Variants in ANKS1B observed in about 807,000 individuals in gnomAD.
ANKS1B encodes ankyrin repeat and sterile alpha motif domain-containing protein 1B.
ANKS1B carries 36 observed loss-of-function variants against 148.3 expected under a neutral mutation model. That is an observed-to-expected ratio of 0.24 (90% confidence interval 0.19 to 0.32). The LOEUF is 0.32. Among genes scored for constraint, ANKS1B ranks in the 10% least tolerant of loss-of-function variants. The pLI, the probability that ANKS1B is intolerant of heterozygous loss-of-function variation, is 1.00. For synonymous variants in ANKS1B, 542 were observed against 560.8 expected (o/e 0.97, Z 0.47); for missense variants, 1,157 against 1,542.6 (o/e 0.75, Z 4.19).
At chr12:99,949,333 G>A (rs1224736517) in intron 1 of ANKS1B, among the ~76,000 whole-genome samples, 1 of 152,162 alleles carries the variant, frequency 6.6e-6, no homozygotes, top group Non-Finnish European at 1.5e-5. Flanking sequence ...GAAAAGCTGA[G>A]ATGGCAAAGA....
rs555778851 is a variant in ANKS1B at position 99,562,881 on chromosome 12, C to A, written c.1273-58240G>T. On this transcript the variant is annotated intron_variant, in intron 9 of 26. Coordinates refer to ENST00000683438, the MANE Select transcript of ANKS1B (RefSeq NM_001352186.2). ...GCCAGACCATATCAGCCACCTTTATCAATTACCTTAGCTAGATCTTCTCAA... is the reference window on the plus strand; with the variant it reads ...GCCAGACCATATCAGCCACCTTTATAAATTACCTTAGCTAGATCTTCTCAA... Among the ~76,000 whole-genome samples, 52 of 152,304 alleles carry A rather than the reference C, an allele frequency of 3.4e-4. No individual in the cohort carries two copies. In the South Asian group the frequency reaches 5.6e-3, roughly 16 times the overall value.
chr12:99,079,529 C>A lies in ANKS1B; in HGVS notation c.2625+5396G>T, dbSNP rs540123726. On this transcript the variant is annotated intron_variant, in intron 16 of 26. Transcript: ENST00000683438. Reference sequence around the variant, plus strand: ...ACAAAAGTGAATACCAGACGTCGCACTAAGATCAAGAGTCCTGTGATAACA... The same window carrying A: ...ACAAAAGTGAATACCAGACGTCGCAATAAGATCAAGAGTCCTGTGATAACA... Among the ~76,000 whole-genome samples, 591 of 152,266 alleles carry A rather than the reference C, an allele frequency of 3.9e-3. 2 individuals carry two copies. Among genetic ancestry groups the A allele is most frequent in the African/African-American group, 0.014 (578 of 41,546 alleles).
At chr12:99,142,943 C>T (rs536861141) in intron 15 of ANKS1B, among the ~76,000 whole-genome samples, 1 of 152,220 alleles carries the variant, frequency 6.6e-6, no homozygotes, top group South Asian at 2.1e-4. Flanking sequence ...GTTATACAGG[C>T]CTGATGAATG....
At chr12:99,874,144 C>T (rs1181365444) in intron 1 of ANKS1B, among the ~76,000 whole-genome samples, 2 of 151,832 alleles carry the variant, frequency 1.3e-5, no homozygotes. Context: ...AGTCTAACCT[C>T]ACTTTATTAT....
At chr12:99,895,108 A>G (rs150740952) in intron 1 of ANKS1B, among the ~76,000 whole-genome samples, 1 of 151,124 alleles carries the variant, frequency 6.6e-6, no homozygotes, top group East Asian at 1.9e-4. Context: ...CTTGGCAAAC[A>G]TGTTTTTCGA....
intron 9 of ANKS1B, among the ~76,000 whole-genome samples, chr12:99,628,256 G>A (rs1349897351): frequency 6.6e-6 from 1 of 152,114 alleles, no homozygotes; most frequent in Non-Finnish European, 1.5e-5. Context: ...CATATACACA[G>A]CACTTCATTG....
intron 12 of ANKS1B, among the ~76,000 whole-genome samples, chr12:99,342,799 G>T (rs1292031614): frequency 6.6e-6 from 1 of 151,724 alleles, no homozygotes; most frequent in Non-Finnish European, 1.5e-5. Flanking sequence ...GAATAATTTA[G>T]AATAATTAAA....
intron 10 of ANKS1B, among the ~76,000 whole-genome samples, chr12:99,444,719 A>T (rs1253585179): frequency 1.3e-5 from 2 of 151,974 alleles, no homozygotes; most frequent in Admixed American, 6.6e-5. Context: ...CCAAAAAAAT[A>T]AAAAATAAAA....
At chr12:98,978,991 A>C (rs2099903548) in intron 17 of ANKS1B, among the ~76,000 whole-genome samples, 2 of 151,692 alleles carry the variant, frequency 1.3e-5, no homozygotes, top group South Asian at 4.2e-4. Context: ...AAATGCAAAA[A>C]ATTAGCCAGG....
chr12:99,590,254 C>CCCCA (rs1555503059), intron 9 of ANKS1B, among the ~76,000 whole-genome samples: 2 of 130,266 alleles, frequency 1.5e-5, no homozygotes, highest in Non-Finnish European at 3.3e-5. Flanking sequence ...ACACCCACAC[C>CCCCA]CACCCACACA....
At chr12:99,044,887 G>C (rs2099961318) in intron 17 of ANKS1B, among the ~76,000 whole-genome samples, 1 of 152,152 alleles carries the variant, frequency 6.6e-6, no homozygotes, top group Non-Finnish European at 1.5e-5. Context: ...GAGGGGGTAA[G>C]TGACTTTTTT....
At chr12:98,778,596 A>G (rs908080517) in intron 24 of ANKS1B, among the ~76,000 whole-genome samples, 1 of 152,154 alleles carries the variant, frequency 6.6e-6, no homozygotes, top group Non-Finnish European at 1.5e-5. Flanking sequence ...GCTCTAGAAC[A>G]AAGTAGCATA....
intron 9 of ANKS1B, among the ~76,000 whole-genome samples, chr12:99,609,905 G>A (rs968733829): frequency 1.2e-4 from 19 of 152,100 alleles, no homozygotes; most frequent in African/African-American, 3.9e-4. Context: ...TATAGACAGA[G>A]ACCAGGGAAG....
At chr12:98,881,590 C>G (rs1162723158) in intron 17 of ANKS1B, among the ~76,000 whole-genome samples, 1 of 152,042 alleles carries the variant, frequency 6.6e-6, no homozygotes, top group Admixed American at 6.6e-5. Flanking sequence ...CAAGATTTTT[C>G]TTATGCTATT....
intron 8 of ANKS1B, among the ~76,000 whole-genome samples, chr12:99,686,463 G>A (rs2098649956): frequency 1.3e-5 from 2 of 152,134 alleles, no homozygotes; most frequent in Admixed American, 1.3e-4. Context: ...TCATGCTGCT[G>A]GGCAGAGCTC....
At chr12:99,310,792 T>C (rs144398891) in intron 12 of ANKS1B, among the ~76,000 whole-genome samples, 133 of 152,302 alleles carry the variant, frequency 8.7e-4, no homozygotes, top group African/African-American at 3.1e-3. Context: ...TCTGTCTGTC[T>C]ACATCCTATT....
At chr12:99,651,816 T>C (rs1365895627) in intron 9 of ANKS1B, among the ~76,000 whole-genome samples, 1 of 151,992 alleles carries the variant, frequency 6.6e-6, no homozygotes, top group Non-Finnish European at 1.5e-5. Flanking sequence ...ATTTAAAAAT[T>C]ACCATTTGTG....
chr12:98,874,319 C>T (rs557227136), intron 17 of ANKS1B, among the ~76,000 whole-genome samples: 30 of 152,052 alleles, frequency 2.0e-4, no homozygotes, highest in Non-Finnish European at 3.5e-4. Context: ...AAAAATGGCA[C>T]GCCAAATTTG....
At chr12:99,420,009 A>G (rs1016218847) in intron 11 of ANKS1B, among the ~76,000 whole-genome samples, 4 of 152,162 alleles carry the variant, frequency 2.6e-5, no homozygotes, top group Non-Finnish European at 5.9e-5. Context: ...CTATTATAGT[A>G]ATAGTGCCCA....
Sources: gnomAD v4.1 joint callset for allele counts (sites outside exome capture counted in the v4.1 genomes callset) on GRCh38, gnomAD v4.1.1 for gene constraint, MANE v1.5 for transcripts, NCBI Gene and HGNC (gene_info 2026-07-23, HGNC 2026-07-21) for gene names.